Variants in LETM1 observed in about 807,000 individuals in gnomAD.
LETM1 encodes the protein leucine zipper and EF-hand containing transmembrane protein 1, also known as mitochondrial proton/calcium exchanger protein.
In LETM1, 50 loss-of-function variants were observed where a neutral mutation model predicts 74.5. That is an observed-to-expected ratio of 0.67 (90% CI 0.53 to 0.85). LETM1 has a LOEUF of 0.85. Among genes scored for constraint, LETM1 ranks in the 40% least tolerant of loss-of-function variants. The pLI, the probability that LETM1 is intolerant of heterozygous loss-of-function variation, is 0.00. For missense variants in LETM1, 824 were observed against 967.8 expected, an observed-to-expected ratio of 0.85 and a Z score of 1.97; for synonymous variants, 446 against 407.1, an observed-to-expected ratio of 1.10 and a Z score of -1.15.
intron 6 of LETM1, among the ~76,000 whole-genome samples, chr4:1,830,831 A>G (rs1277824886): frequency 2.0e-5 from 3 of 151,956 alleles, no homozygotes; most frequent in Non-Finnish European, 4.4e-5. Flanking sequence ...TCATTCACTG[A>G]TACCTTCCTG....
At chr4:1,843,708 C>G (rs532344808) in intron 2 of LETM1, among the ~76,000 whole-genome samples, 1 of 152,334 alleles carries the variant, frequency 6.6e-6, no homozygotes, top group Admixed American at 6.5e-5. Context: ...CCTCCCCAAT[C>G]CCTGTGAGGG....
chr4:1,835,096 G>A, intron 4 of LETM1, 114 bp from the exon 5 acceptor site: 1 of 966,434 alleles, frequency 1.0e-6, no homozygotes, highest in Non-Finnish European at 1.5e-6. Flanking sequence ...ACAACACACT[G>A]ACTCTCATCT....
At chr4:1,853,433 C>T (rs183314910) in intron 1 of LETM1, among the ~76,000 whole-genome samples, 3 of 152,324 alleles carry the variant, frequency 2.0e-5, no homozygotes, top group Admixed American at 2.0e-4. Flanking sequence ...GGAGCCTCGG[C>T]GGGATATGAT....
In LETM1 at chr4:1,841,647, C is replaced by T; in HGVS notation, c.294G>A (p.Val98=). The T allele has an allele frequency of 3.7e-6, 6 of 1,614,198 alleles. No homozygotes were observed. The highest frequency in any genetic ancestry group is 4.2e-6 in the Non-Finnish European group (5 of 1,180,040). ...WTSTSVGFVA[V]GPQCLPVRGW... is the part of the protein sequence containing the mutation. ...CACGCACAGGAAGGCACTGAGGTCC[C>T]ACAGCCACAAAACCCACAGAGGTAG... The change falls in exon 3 of 14, where the codon GTG becomes GTA. Residue 98 remains valine (V), a synonymous_variant. Coordinates refer to ENST00000302787, the MANE Select transcript of LETM1 (RefSeq NM_012318.3).
intron 3 of LETM1, among the ~76,000 whole-genome samples, chr4:1,838,389 C>T (rs538829513): frequency 3.9e-5 from 6 of 152,128 alleles, no homozygotes; most frequent in East Asian, 3.9e-4. Flanking sequence ...TGAGCCACTG[C>T]GCCCGGCCAG....
At chr4:1,853,190 C>T (rs1006232785) in intron 1 of LETM1, among the ~76,000 whole-genome samples, 4 of 152,024 alleles carry the variant, frequency 2.6e-5, no homozygotes, top group African/African-American at 9.7e-5. Context: ...AGGCCAGAGG[C>T]CACCTCTCCC....
In LETM1 at chr4:1,834,062, A is replaced by AGGCCCACAC; in HGVS notation, c.876+782_876+783insGTGTGGGCC. 6.6e-6 allele frequency: 1 copy of AGGCCCACAC among 152,288 alleles called. No individual in the cohort carries two copies. The highest frequency in any genetic ancestry group is 1.9e-4 in the East Asian group (1 of 5,196). 9.4% of individuals were successfully genotyped at this position (152,288 alleles called of 1,614,324 possible). On this transcript the variant is annotated intron_variant, in intron 5 of 13. Transcript: ENST00000302787. The surrounding 1 kb of genome is among the most constrained non-coding windows in gnomAD (Gnocchi z 5.0). ...CATGGCTGTGTCGCCTCCTCCCGAG[A>AGGCCCACAC]GGCTTCTCCGTGGTTAGGCCTCAGC... is the stretch of plus-strand genomic sequence containing the variant.
At chr4:1,825,543 A>G (rs754317704) in intron 7 of LETM1, 21 bp downstream of exon 7, 1 of 1,597,054 alleles carries the variant, frequency 6.3e-7, no homozygotes, top group East Asian at 2.3e-5. Flanking sequence ...CCGGCCTGGC[A>G]CCAGGCCAAT....
intron 3 of LETM1, among the ~76,000 whole-genome samples, chr4:1,839,868 T>G (rs1236514702): frequency 6.6e-6 from 1 of 152,226 alleles, no homozygotes. Context: ...GGAAGATCCA[T>G]GCCCCTTCCC....
At chr4:1,854,815 C>A (rs552782568) in intron 1 of LETM1, among the ~76,000 whole-genome samples, 152 of 149,586 alleles carry the variant, frequency 1.0e-3, no homozygotes, top group Middle Eastern at 3.4e-3. Context: ...AACAAACAAA[C>A]AAAAAAAAAC....
At chr4:1,840,288 A>G (rs1487910284) in intron 3 of LETM1, among the ~76,000 whole-genome samples, 1 of 152,136 alleles carries the variant, frequency 6.6e-6, no homozygotes, top group African/African-American at 2.4e-5. Flanking sequence ...GAGGCAGGAG[A>G]ATCACTTGAA....
Position 1,834,660 on chromosome 4 carries a change from C to T in LETM1, c.876+185G>A, listed in dbSNP as rs932731302. The T allele has an allele frequency of 7.0e-7, 1 of 1,429,900 alleles. No individual in the cohort carries two copies. Among genetic ancestry groups the T allele is most frequent in the Non-Finnish European group, 9.1e-7 (1 of 1,095,460 alleles). 88.6% of individuals were successfully genotyped at this position (1,429,900 alleles called of 1,614,324 possible). A position where few individuals can be genotyped will look rare whatever the true frequency, so the allele number is the denominator to read the frequency against. On this transcript the variant is annotated intron_variant, in intron 5 of 13. Coordinates refer to ENST00000302787, the MANE Select transcript of LETM1 (RefSeq NM_012318.3). This position sits in a 1 kb window ranked among gnomAD's most constrained non-coding sequence, Gnocchi z 5.0. ...GAGGCGCAGCCACCACAGCTTAACT[C>T]ACTGGGAGCTCGTGGGGGCAGACTC...
Position 1,813,539 on chromosome 4 carries a change from G to C in LETM1, c.*885C>G, listed in dbSNP as rs918726590. On this transcript the variant is annotated 3_prime_UTR_variant, in exon 14 of 14. Transcript: ENST00000302787. ...CCGGATCCTCATGCCTCATTGACTA[G>C]CCTGCTTGCTGAAGGAGCCCAGGGG... 6 of 152,472 alleles carry C rather than the reference G, an allele frequency of 3.9e-5. No individual in the cohort carries two copies. The highest frequency in any genetic ancestry group is 1.2e-4 in the African/African-American group (5 of 41,452). The allele number at this position is 152,472 out of a possible 1,614,324, so 9.4% of individuals were successfully genotyped here. A position where few individuals can be genotyped will look rare whatever the true frequency, so the allele number is the denominator to read the frequency against.
chr4:1,815,594 A>C (rs1711544923), intron 13 of LETM1, 70 bp downstream of exon 13: 1 of 1,570,982 alleles, frequency 6.4e-7, no homozygotes, highest in Non-Finnish European at 8.7e-7. Context: ...CATGCAATGA[A>C]CAGTCCCCCT....
At chr4:1,828,144 G>C (rs1712077522) in intron 6 of LETM1, among the ~76,000 whole-genome samples, 2 of 119,188 alleles carry the variant, frequency 1.7e-5, no homozygotes, top group Admixed American at 7.6e-5. Flanking sequence ...CCGGGCAGAG[G>C]GGCTCCTCAC....
intron 6 of LETM1, among the ~76,000 whole-genome samples, chr4:1,831,350 C>A (rs1228104268): frequency 6.6e-6 from 1 of 152,248 alleles, no homozygotes; most frequent in Non-Finnish European, 1.5e-5. Context: ...CTGCTTGCTA[C>A]CGCTGGGAAC....
intron 6 of LETM1, among the ~76,000 whole-genome samples, chr4:1,831,158 G>T: frequency 6.6e-6 from 1 of 152,206 alleles, no homozygotes; most frequent in East Asian, 1.9e-4. Flanking sequence ...GTTTTGTGGG[G>T]CTGAGTGACA....
intron 2 of LETM1, among the ~76,000 whole-genome samples, chr4:1,845,038 A>G (rs541816208): frequency 6.6e-6 from 1 of 151,884 alleles, no homozygotes; most frequent in Non-Finnish European, 1.5e-5. Flanking sequence ...AAAAGTACAA[A>G]AATTAGCTGG....
intron 9 of LETM1, 96 bp downstream of exon 9, chr4:1,822,892 A>C (rs1462078351): frequency 8.7e-7 from 1 of 1,149,176 alleles, no homozygotes; most frequent in Non-Finnish European, 1.1e-6. Flanking sequence ...GCTGCAGGGC[A>C]AGCATGCGGG....
Sources: allele counts gnomAD v4.1 joint callset (sites outside exome capture counted in the v4.1 genomes callset), GRCh38; gene constraint gnomAD v4.1.1; non-coding constraint Gnocchi (gnomAD v3.1); transcripts MANE v1.5; gene names NCBI Gene and HGNC (gene_info 2026-07-23, HGNC 2026-07-21).